ADAM19: variants seen among roughly 807,000 people sequenced by gnomAD.
ADAM19 encodes disintegrin and metalloproteinase domain-containing protein 19.
A neutral mutation model predicts 114.7 loss-of-function variants in ADAM19; 65 were observed. That is an observed-to-expected ratio of 0.57 (90% CI 0.46 to 0.70). The LOEUF (loss-of-function observed/expected upper bound fraction) is 0.70, where lower values mean the gene tolerates loss of function less well. Among genes scored for constraint, ADAM19 ranks in the 30% least tolerant of loss-of-function variants. The probability of loss-of-function intolerance (pLI) is 0.00; values close to 1 mark genes in which losing one functional copy is unlikely to be tolerated. For synonymous variants in ADAM19, 466 were observed against 460.5 expected (o/e 1.01, Z -0.15); for missense variants, 1,063 against 1,204.7 (o/e 0.88, Z 1.74).
Position 157,479,327 on chromosome 5 carries a change from G to A in ADAM19, c.*1622C>T. 2 of 985,992 alleles carry A rather than the reference G, an allele frequency of 2.0e-6. No individual in the cohort carries two copies. Among genetic ancestry groups the A allele is most frequent in the South Asian group, 4.7e-5 (1 of 21,284 alleles). The allele number at this position is 985,992 out of a possible 1,614,324, so 61.1% of individuals were successfully genotyped here. A position where few individuals can be genotyped will look rare whatever the true frequency, so the allele number is the denominator to read the frequency against. ...CAGAGAACTATAAGGAGGCCCTGGGGTGGTGAATCAGAAGCTCAGCCTCAG... is the reference window on the plus strand; with the variant it reads ...CAGAGAACTATAAGGAGGCCCTGGGATGGTGAATCAGAAGCTCAGCCTCAG... On this transcript the variant is annotated 3_prime_UTR_variant, in exon 23 of 23. Coordinates refer to ENST00000257527, the MANE Select transcript of ADAM19 (RefSeq NM_033274.5).
At chr5:157,535,322 G>A (rs1756732644) in intron 4 of ADAM19, among the ~76,000 whole-genome samples, 1 of 152,222 alleles carries the variant, frequency 6.6e-6, no homozygotes, top group South Asian at 2.1e-4. Flanking sequence ...TCGCCTAAAG[G>A]CCTGACTGAT....
At chr5:157,495,931 GTC>G (rs1052375960) in intron 14 of ADAM19, among the ~76,000 whole-genome samples, 2 of 118,824 alleles carry the variant, frequency 1.7e-5, no homozygotes, top group Admixed American at 9.6e-5. Context: ...ACTGTGCCCA[GTC>G]TTTTTTTTTT....
intron 10 of ADAM19, 58 bp from the exon 11 acceptor site, chr5:157,505,866 C>T: frequency 6.4e-7 from 1 of 1,569,448 alleles, no homozygotes; most frequent in Non-Finnish European, 8.7e-7. Flanking sequence ...CTCTGCCCCC[C>T]ATCCCTGCCT....
intron 4 of ADAM19, among the ~76,000 whole-genome samples, chr5:157,531,090 A>G (rs182099512): frequency 6.6e-6 from 1 of 152,290 alleles, no homozygotes; most frequent in Non-Finnish European, 1.5e-5. Context: ...AGATGTCATT[A>G]TCTCCATGAA....
chr5:157,564,210 T>C (rs1757588717), intron 3 of ADAM19, among the ~76,000 whole-genome samples, 163 bp downstream of exon 3: 1 of 152,240 alleles, frequency 6.6e-6, no homozygotes, highest in Non-Finnish European at 1.5e-5. Context: ...GTCAAGAGGC[T>C]GTGGAAAGGC....
chr5:157,565,042 A>G (rs914441839), intron 2 of ADAM19, among the ~76,000 whole-genome samples: 1 of 152,162 alleles, frequency 6.6e-6, no homozygotes, highest in Admixed American at 6.5e-5. Context: ...GAAAACCCCA[A>G]TCATCTCAGA....
chr5:157,504,095 T>C (rs1029827766), intron 11 of ADAM19, among the ~76,000 whole-genome samples: 5 of 152,224 alleles, frequency 3.3e-5, no homozygotes, highest in African/African-American at 4.8e-5. Flanking sequence ...TGTGAATAAT[T>C]TAAAAATGAA....
chr5:157,570,028 C>T (rs375755537), intron 2 of ADAM19, among the ~76,000 whole-genome samples: 219 of 152,246 alleles, frequency 1.4e-3, no homozygotes, highest in South Asian at 3.7e-3. Context: ...GAGAGGACTA[C>T]GTGGGCGGAT....
At chr5:157,496,415 C>A (rs1290839168) in intron 14 of ADAM19, among the ~76,000 whole-genome samples, 1 of 152,142 alleles carries the variant, frequency 6.6e-6, no homozygotes, top group Non-Finnish European at 1.5e-5. Context: ...AAGTATATCT[C>A]CAAATTGCTT....
Position 157,480,698 on chromosome 5 carries a change from C to T in ADAM19, c.*251G>A. 1.5e-6 allele frequency: 2 copies of T among 1,315,262 alleles called. No individual in the cohort carries two copies. The highest frequency in any genetic ancestry group is 9.7e-7 in the Non-Finnish European group (1 of 1,029,544). The allele number at this position is 1,315,262 out of a possible 1,614,324, so 81.5% of individuals were successfully genotyped here. A position where few individuals can be genotyped will look rare whatever the true frequency, so the allele number is the denominator to read the frequency against. Reference sequence around the variant, plus strand: ...CTGCCAGTCACCCTCCTCATACTCTCCCCTCCCTACCTGGGGCTGTATATT... The same window carrying T: ...CTGCCAGTCACCCTCCTCATACTCTTCCCTCCCTACCTGGGGCTGTATATT... On this transcript the variant is annotated 3_prime_UTR_variant, in exon 23 of 23. Coordinates refer to ENST00000257527, the MANE Select transcript of ADAM19 (RefSeq NM_033274.5).
rs569765968 is a variant in ADAM19 at position 157,550,559 on chromosome 5, A to C, written c.252-12568T>G. The stretch of plus-strand genomic sequence containing the variant: ...ATGTTTTTTCCTTTTGGAGTGGTGA[A>C]AATGTTCTAAAATCAGATTATGGCG... On this transcript the variant is annotated intron_variant, in intron 3 of 22. Coordinates refer to ENST00000257527, the MANE Select transcript of ADAM19 (RefSeq NM_033274.5). 2.0e-5 allele frequency among the ~76,000 whole-genome samples: 3 copies of C among 152,328 alleles called. No homozygotes were observed. The East Asian group carries it at 5.8e-4, about 29-fold the overall frequency.
At position 157,490,383 on chromosome 5, in the gene ADAM19, A is replaced by ACT; in HGVS notation, c.2166_2167insAG (p.Cys723SerfsTer9). The ACT allele has an allele frequency of 1.2e-6, 2 of 1,614,168 alleles. No individual in the cohort carries two copies. The highest frequency in any genetic ancestry group is 1.7e-6 in the Non-Finnish European group (2 of 1,180,036). On this transcript the variant is annotated frameshift_variant, in exon 19 of 23. Coordinates refer to ENST00000257527, the MANE Select transcript of ADAM19 (RefSeq NM_033274.5). LOFTEE classifies it high-confidence loss of function. ...CCTAGTTTGTTGTTCTGTCTGCAGC[A>ACT]GTAGTACATCAGCATGAGGACCGCC...
chr5:157,571,079 TAG>T, intron 1 of ADAM19, 99 bp from the exon 2 acceptor site: 1 of 961,060 alleles, frequency 1.0e-6, no homozygotes, highest in Non-Finnish European at 1.6e-6. Context: ...ACTGGGTCAT[TAG>T]AAGACTTGCT....
intron 21 of ADAM19, among the ~76,000 whole-genome samples, chr5:157,486,284 G>T (rs1199200939): frequency 6.6e-6 from 1 of 152,146 alleles, no homozygotes; most frequent in Non-Finnish European, 1.5e-5. Flanking sequence ...TCCCTTCTTG[G>T]AATGGCTGTG....
chr5:157,561,215 G>A (rs1299977553), intron 3 of ADAM19, among the ~76,000 whole-genome samples: 3 of 152,204 alleles, frequency 2.0e-5, no homozygotes, highest in Non-Finnish European at 2.9e-5. Flanking sequence ...CGGCTGCCGC[G>A]CTATTGTAGG....
chr5:157,530,922 T>C (rs747512990), intron 4 of ADAM19, 39 bp from the exon 5 acceptor site: 3 of 1,533,208 alleles, frequency 2.0e-6, no homozygotes, highest in East Asian at 4.5e-5. Flanking sequence ...TAAAGAACAC[T>C]GATAAGCATG....
intron 3 of ADAM19, among the ~76,000 whole-genome samples, chr5:157,544,383 C>A (rs964759006): frequency 6.6e-6 from 1 of 152,242 alleles, no homozygotes; most frequent in Non-Finnish European, 1.5e-5. Flanking sequence ...CTTCCCACGA[C>A]ATCTTCTCCC....
At chr5:157,495,280 C>T (rs1014850365) in intron 14 of ADAM19, among the ~76,000 whole-genome samples, 3 of 152,220 alleles carry the variant, frequency 2.0e-5, no homozygotes, top group Middle Eastern at 3.4e-3. Flanking sequence ...GGATTACAGG[C>T]GTGAGCCACC....
chr5:157,548,778 C>T (rs1490172336), intron 3 of ADAM19, among the ~76,000 whole-genome samples: 1 of 152,180 alleles, frequency 6.6e-6, no homozygotes, highest in Non-Finnish European at 1.5e-5. Flanking sequence ...TCTCATTTTT[C>T]TCCAGGATAG....
Sources: gnomAD v4.1 joint callset for allele counts (sites outside exome capture counted in the v4.1 genomes callset) on GRCh38, gnomAD v4.1.1 for gene constraint, MANE v1.5 for transcripts, NCBI Gene and HGNC (gene_info 2026-07-23, HGNC 2026-07-21) for gene names.